The following TSHZ2 variants were observed in gnomAD, a reference collection of about 807,000 sequenced individuals.
TSHZ2 encodes the protein teashirt homolog 2.
TSHZ2 carries 21 observed loss-of-function variants against 74.4 expected under a neutral mutation model. That is an observed-to-expected ratio of 0.28 (90% confidence interval 0.20 to 0.41). TSHZ2 has a LOEUF of 0.41. Ranked by LOEUF, TSHZ2 falls within the 10% of genes least tolerant of loss-of-function variation. The pLI is 1.00. For synonymous variants in TSHZ2, 540 were observed against 515.3 expected, an observed-to-expected ratio of 1.05 and a Z score of -0.65; for missense variants, 1,244 against 1,293.5, an observed-to-expected ratio of 0.96 and a Z score of 0.59.
chr20:53,100,987 G>A (rs982270433), intron 1 of TSHZ2, among the ~76,000 whole-genome samples: 1 of 152,092 alleles, frequency 6.6e-6, no homozygotes, highest in African/African-American at 2.4e-5. Flanking sequence ...GAGATGCAAA[G>A]CAGGGGTAGG....
chr20:53,153,140 T>A (rs1269740123), intron 1 of TSHZ2, among the ~76,000 whole-genome samples: 1 of 152,170 alleles, frequency 6.6e-6, no homozygotes, highest in African/African-American at 2.4e-5. Context: ...GGAACCAAAA[T>A]CAGCTGACCT....
At chr20:53,180,078 G>A (rs1988433863) in intron 1 of TSHZ2, among the ~76,000 whole-genome samples, 1 of 152,206 alleles carries the variant, frequency 6.6e-6, no homozygotes, top group South Asian at 2.1e-4. Context: ...AATGATTGGA[G>A]GAGGTTCATG....
At position 52,972,875 on chromosome 20, in the gene TSHZ2, C is replaced by T; in HGVS notation, c.-419C>T. The T allele has an allele frequency of 4.4e-6, 1 of 226,624 alleles. No homozygotes were observed. Among genetic ancestry groups the T allele is most frequent in the Non-Finnish European group, 8.4e-6 (1 of 119,502 alleles). The allele number at this position is 226,624 out of a possible 1,614,324, so 14.0% of individuals were successfully genotyped here. A position where few individuals can be genotyped will look rare whatever the true frequency, so the allele number is the denominator to read the frequency against. On this transcript the variant is annotated 5_prime_UTR_variant, in exon 1 of 3. Coordinates refer to ENST00000371497, the MANE Select transcript of TSHZ2 (RefSeq NM_173485.6). ...CGCGAGTGTGCCTGTGGCGCGTGTG[C>T]GCCCCTCGTCCCTTCCATCCGAACC... is the stretch of plus-strand genomic sequence containing the variant.
At chr20:53,411,182 C>T (rs1327338631) in intron 2 of TSHZ2, among the ~76,000 whole-genome samples, 1 of 152,054 alleles carries the variant, frequency 6.6e-6, no homozygotes, top group Admixed American at 6.5e-5. Context: ...GTGGAGGCTA[C>T]GTTTGACCTG....
chr20:52,987,621 T>G (rs1229186436), intron 1 of TSHZ2, among the ~76,000 whole-genome samples: 1 of 152,092 alleles, frequency 6.6e-6, no homozygotes, highest in Non-Finnish European at 1.5e-5. Context: ...CCATTTTCAC[T>G]TGTGGCTTTT....
At chr20:53,168,091 T>C (rs1988104042) in intron 1 of TSHZ2, among the ~76,000 whole-genome samples, 1 of 152,184 alleles carries the variant, frequency 6.6e-6, no homozygotes, top group Admixed American at 6.5e-5. Flanking sequence ...ATCATGGGTG[T>C]GTGATTATGT....
At chr20:53,266,817 G>A (rs904100727) in intron 2 of TSHZ2, among the ~76,000 whole-genome samples, 7 of 127,710 alleles carry the variant, frequency 5.5e-5, no homozygotes, top group Admixed American at 9.4e-5. Flanking sequence ...TCACTCTGTC[G>A]CCCAGGCTGG....
intron 2 of TSHZ2, among the ~76,000 whole-genome samples, chr20:53,326,126 C>G (rs149278128): frequency 2.0e-5 from 3 of 152,340 alleles, no homozygotes; most frequent in Non-Finnish European, 4.4e-5. Context: ...TGCACCACCC[C>G]TGCTGCCTCT....
intron 1 of TSHZ2, among the ~76,000 whole-genome samples, chr20:53,052,537 C>T (rs1051967913): frequency 3.3e-5 from 5 of 152,268 alleles, no homozygotes; most frequent in East Asian, 3.9e-4. Context: ...TTGTCTTCCA[C>T]GAAACCAGTC....
intron 2 of TSHZ2, among the ~76,000 whole-genome samples, chr20:53,454,430 C>A (rs917753887): frequency 1.3e-5 from 2 of 151,960 alleles, no homozygotes; most frequent in Admixed American, 1.3e-4. Context: ...GGCATGGTGG[C>A]ACGTGCCTGT....
chr20:53,365,305 A>G (rs1413506618), intron 2 of TSHZ2, among the ~76,000 whole-genome samples: 1 of 152,162 alleles, frequency 6.6e-6, no homozygotes, highest in East Asian at 1.9e-4. Flanking sequence ...GGCATGATGA[A>G]TGCATGTGTG....
At chr20:53,480,810 G>A (rs1986129187) in intron 2 of TSHZ2, among the ~76,000 whole-genome samples, 2 of 152,154 alleles carry the variant, frequency 1.3e-5, no homozygotes, top group Admixed American at 1.3e-4. Flanking sequence ...AAGAGTAGGA[G>A]CCAGCCAAAA....
chr20:53,188,344 A>G (rs1471083176), intron 1 of TSHZ2, among the ~76,000 whole-genome samples: 2 of 152,224 alleles, frequency 1.3e-5, no homozygotes, highest in Admixed American at 1.3e-4. Context: ...GGAGTCGATC[A>G]AGTTATTTTC....
intron 2 of TSHZ2, among the ~76,000 whole-genome samples, chr20:53,352,611 T>C (rs1338798539): frequency 6.6e-6 from 1 of 151,682 alleles, no homozygotes; most frequent in Non-Finnish European, 1.5e-5. Flanking sequence ...TTGTCTCTAC[T>C]GAAAATACAA....
chr20:53,406,403 G>A (rs1365726495), intron 2 of TSHZ2, among the ~76,000 whole-genome samples: 1 of 152,212 alleles, frequency 6.6e-6, no homozygotes, highest in East Asian at 1.9e-4. Flanking sequence ...TATTCTGGGT[G>A]TAGAGGCTGG....
chr20:53,343,306 C>T (rs530201155), intron 2 of TSHZ2, among the ~76,000 whole-genome samples: 1 of 152,284 alleles, frequency 6.6e-6, no homozygotes, highest in East Asian at 1.9e-4. Flanking sequence ...TGCGGCCACA[C>T]TGGGAGTAGC....
intron 1 of TSHZ2, among the ~76,000 whole-genome samples, chr20:53,015,681 C>A (rs923721665): frequency 1.3e-5 from 2 of 152,162 alleles, no homozygotes; most frequent in Admixed American, 1.3e-4. Context: ...GACTTGGGGG[C>A]CTCTACCTCA....
At chr20:53,040,193 C>G (rs1250656273) in intron 1 of TSHZ2, among the ~76,000 whole-genome samples, 1 of 152,172 alleles carries the variant, frequency 6.6e-6, no homozygotes, top group Non-Finnish European at 1.5e-5. Flanking sequence ...AGAGACGAGG[C>G]CTGTCTGACA....
At chr20:53,457,770 G>T (rs1376146105) in intron 2 of TSHZ2, among the ~76,000 whole-genome samples, 6 of 151,716 alleles carry the variant, frequency 4.0e-5, no homozygotes, top group African/African-American at 7.3e-5. Context: ...TAGCATGAAA[G>T]GTTGTTGAAT....
Sources: allele counts gnomAD v4.1 joint callset (sites outside exome capture counted in the v4.1 genomes callset), GRCh38; gene constraint gnomAD v4.1.1; transcripts MANE v1.5; gene names NCBI Gene and HGNC (gene_info 2026-07-23, HGNC 2026-07-21).